PDE4D: variants seen among roughly 807,000 people sequenced by gnomAD.
PDE4D encodes the protein phosphodiesterase 4D, also known as 3',5'-cyclic-AMP phosphodiesterase 4D.
In PDE4D, 24 loss-of-function variants were observed where a neutral mutation model predicts 87.4. That is an observed-to-expected ratio of 0.27 (90% CI 0.20 to 0.39). The LOEUF (loss-of-function observed/expected upper bound fraction) is 0.39, where lower values mean the gene tolerates loss of function less well. Ranked by LOEUF, PDE4D falls within the 10% of genes least tolerant of loss-of-function variation. The pLI, the probability that PDE4D is intolerant of heterozygous loss-of-function variation, is 1.00. For missense variants in PDE4D, 714 were observed against 1,041.0 expected, an observed-to-expected ratio of 0.69 and a Z score of 4.32; for synonymous variants, 384 against 383.2, an observed-to-expected ratio of 1.00 and a Z score of -0.02.
chr5:59,737,976 G>T (rs1319035647), intron 1 of PDE4D, among the ~76,000 whole-genome samples: 1 of 151,998 alleles, frequency 6.6e-6, no homozygotes, highest in Non-Finnish European at 1.5e-5. Flanking sequence ...AATATGCAGA[G>T]CCCTATTTTT....
intron 1 of PDE4D, among the ~76,000 whole-genome samples, chr5:59,643,418 G>A (rs928988302): frequency 6.6e-6 from 1 of 152,166 alleles, no homozygotes; most frequent in Non-Finnish European, 1.5e-5. Context: ...CTGGGAAAAA[G>A]CTGGAGGAAG....
chr5:60,041,593 G>A (rs963261287), intron 2 of PDE4D, among the ~76,000 whole-genome samples: 3 of 152,114 alleles, frequency 2.0e-5, no homozygotes, highest in Non-Finnish European at 4.4e-5. Context: ...CATTTCTAAC[G>A]GAGATACCCA....
At position 59,039,570 on chromosome 5, in the gene PDE4D, G is replaced by A. The variant is rs998264443; in HGVS notation, c.809-599C>T. On this transcript the variant is annotated intron_variant, in intron 5 of 14. Coordinates refer to ENST00000340635, the MANE Select transcript of PDE4D (RefSeq NM_001104631.2). ...GCAGGCGCAGCGCGGCTCCAACGCC[G>A]CAGCTTTCCGGGAACACTCCCCCTC... 204 of 960,152 alleles carry A rather than the reference G, an allele frequency of 2.1e-4. 2 individuals carry two copies. Among genetic ancestry groups the A allele is most frequent in the Admixed American group, 6.2e-5 (1 of 16,234 alleles). 59.5% of individuals were successfully genotyped at this position (960,152 alleles called of 1,614,324 possible). A position where few individuals can be genotyped will look rare whatever the true frequency, so the allele number is the denominator to read the frequency against.
chr5:59,094,466 G>T (rs767147372), intron 5 of PDE4D, among the ~76,000 whole-genome samples: 1 of 151,316 alleles, frequency 6.6e-6, no homozygotes, highest in Non-Finnish European at 1.5e-5. Flanking sequence ...AAAATAGAGG[G>T]CATAAAATTA....
intron 1 of PDE4D, among the ~76,000 whole-genome samples, chr5:59,767,204 A>G (rs1441451825): frequency 6.6e-6 from 1 of 152,092 alleles, no homozygotes; most frequent in Admixed American, 6.6e-5. Flanking sequence ...GTTATGGCAA[A>G]ACTGTAAAAA....
At chr5:59,455,838 G>A (rs924229005) in intron 1 of PDE4D, among the ~76,000 whole-genome samples, 1 of 152,242 alleles carries the variant, frequency 6.6e-6, no homozygotes, top group Non-Finnish European at 1.5e-5. Context: ...TGGAGTTAAA[G>A]GAGATCATTT....
chr5:59,524,041 T>C (rs1254392432), intron 1 of PDE4D, among the ~76,000 whole-genome samples: 4 of 152,212 alleles, frequency 2.6e-5, no homozygotes, highest in African/African-American at 9.7e-5. Context: ...CAGTTCTTTA[T>C]AGCAGTGTGA....
intron 1 of PDE4D, among the ~76,000 whole-genome samples, chr5:59,520,700 G>A (rs763026278): frequency 6.6e-6 from 1 of 152,014 alleles, no homozygotes. Context: ...GTTAGATTTA[G>A]GAAATCAGGA....
intron 1 of PDE4D, among the ~76,000 whole-genome samples, chr5:59,678,234 T>C (rs1280382524): frequency 6.6e-6 from 1 of 152,212 alleles, no homozygotes; most frequent in African/African-American, 2.4e-5. Flanking sequence ...TCACAACTTC[T>C]TATTGTAAAA....
intron 1 of PDE4D, among the ~76,000 whole-genome samples, chr5:60,246,953 A>C (rs1747846586): frequency 6.6e-6 from 1 of 152,012 alleles, no homozygotes; most frequent in African/African-American, 2.4e-5. Context: ...TTAATTTTTC[A>C]AGTTGTGATT....
At chr5:59,889,831 T>C (rs1581612836) in intron 1 of PDE4D, among the ~76,000 whole-genome samples, 1 of 152,224 alleles carries the variant, frequency 6.6e-6, no homozygotes, top group South Asian at 2.1e-4. Flanking sequence ...GACTCATTTC[T>C]CTGGTAATTT....
At chr5:59,087,357 G>A (rs553082717) in intron 5 of PDE4D, among the ~76,000 whole-genome samples, 7 of 152,092 alleles carry the variant, frequency 4.6e-5, no homozygotes, top group African/African-American at 7.2e-5. Flanking sequence ...ACAGTGGTGC[G>A]TGCTTATAGT....
chr5:60,121,270 G>A lies in PDE4D; in HGVS notation c.42+64287C>T, dbSNP rs948565470. ...GACTAACACACCCACTTTAGGGGAT[G>A]AGGAATAAGATGCATTTTTAAAAGC... On this transcript the variant is annotated intron_variant, in intron 2 of 16. Transcript: ENST00000502484. Among the ~76,000 whole-genome samples the A allele has an allele frequency of 2.4e-4, 37 of 152,044 alleles. 1 individual carries two copies. The highest frequency in any genetic ancestry group is 8.5e-4 in the African/African-American group (35 of 41,394).
At chr5:59,917,783 T>G (rs769277062) in intron 3 of PDE4D, among the ~76,000 whole-genome samples, 1 of 152,186 alleles carries the variant, frequency 6.6e-6, no homozygotes, top group Non-Finnish European at 1.5e-5. Context: ...GCAACTTATT[T>G]AATCTAAAAG....
intron 1 of PDE4D, among the ~76,000 whole-genome samples, chr5:60,396,119 T>C (rs1762867840): frequency 6.6e-6 from 1 of 152,250 alleles, no homozygotes; most frequent in Non-Finnish European, 1.5e-5. Flanking sequence ...AAGGGGGCAC[T>C]GCTCTTTTCT....
At chr5:59,637,912 C>T (rs1449644369) in intron 1 of PDE4D, among the ~76,000 whole-genome samples, 1 of 152,148 alleles carries the variant, frequency 6.6e-6, no homozygotes, top group African/African-American at 2.4e-5. Flanking sequence ...CTCTTCACTT[C>T]AAAGACACAT....
chr5:59,278,817 T>G (rs2153546108), intron 1 of PDE4D, among the ~76,000 whole-genome samples: 1 of 152,234 alleles, frequency 6.6e-6, no homozygotes, highest in Admixed American at 6.6e-5. Flanking sequence ...CTCATACCAC[T>G]AATGGTGCCC....
chr5:60,079,529 A>C (rs1412365199), intron 2 of PDE4D, among the ~76,000 whole-genome samples: 1 of 152,146 alleles, frequency 6.6e-6, no homozygotes, highest in Admixed American at 6.5e-5. Context: ...TAAGTCTTTA[A>C]TCCATCTTGA....
At chr5:59,003,198 G>A (rs757415114) in intron 6 of PDE4D, among the ~76,000 whole-genome samples, 2 of 151,942 alleles carry the variant, frequency 1.3e-5, no homozygotes, top group African/African-American at 2.4e-5. Flanking sequence ...AAATCCAGCC[G>A]CAGCCTGTTA....
Sources: gnomAD v4.1 joint callset for allele counts (sites outside exome capture counted in the v4.1 genomes callset) on GRCh38, gnomAD v4.1.1 for gene constraint, MANE v1.5 for transcripts, NCBI Gene and HGNC (gene_info 2026-07-23, HGNC 2026-07-21) for gene names.